CAPN8: variants seen among roughly 807,000 people sequenced by gnomAD.
CAPN8 encodes calpain 8.
A neutral mutation model predicts 80.9 loss-of-function variants in CAPN8; 87 were observed. The observed-to-expected ratio is 1.07, with a 90% CI of 0.90 to 1.28. CAPN8 has a LOEUF of 1.28. CAPN8 is among the 50% of genes most tolerant of loss of function. The pLI is 0.00. For missense variants in CAPN8, 757 were observed against 702.0 expected (o/e 1.08, Z -0.89); for synonymous variants, 299 against 273.8 (o/e 1.09, Z -0.91).
intron 2 of CAPN8, among the ~76,000 whole-genome samples, chr1:223,651,024 ACACAGACATGACC>A (rs1375865447): frequency 6.6e-6 from 1 of 152,298 alleles, no homozygotes; most frequent in Non-Finnish European, 1.5e-5. Context: ...GAAAAAGCAC[ACACAGACATGACC>A]CACAGGGGAC....
At chr1:223,655,453 T>C (rs1658461838) in intron 1 of CAPN8, among the ~76,000 whole-genome samples, 1 of 152,224 alleles carries the variant, frequency 6.6e-6, no homozygotes, top group Admixed American at 6.5e-5. Flanking sequence ...GTGCCCGTTC[T>C]GTATCCAGTA....
At chr1:223,628,270 A>T (rs1333533909) in intron 3 of CAPN8, 128 bp from the exon 4 acceptor site, 2 of 1,093,876 alleles carry the variant, frequency 1.8e-6, no homozygotes, top group Non-Finnish European at 2.5e-6. Flanking sequence ...GGAGCAGGAC[A>T]TGTGTCTGCC....
chr1:223,617,330 T>TTTTG (rs78857788), intron 9 of CAPN8: 93,669 of 146,728 alleles, frequency 0.64, 30,300 homozygotes, highest in African/African-American at 0.69. Flanking sequence ...TGTTGCTGTG[T>TTTTG]TTTGTTTGTT....
intron 7 of CAPN8, among the ~76,000 whole-genome samples, chr1:223,621,849 G>A (rs1657402844): frequency 6.6e-6 from 1 of 152,072 alleles, no homozygotes. Context: ...CTTTGTCCAT[G>A]AGACTGGCTA....
chr1:223,552,594 C>T (rs1479591781), intron 14 of CAPN8, among the ~76,000 whole-genome samples: 2 of 151,168 alleles, frequency 1.3e-5, no homozygotes, highest in Non-Finnish European at 2.9e-5. Context: ...CTTGAGGCCC[C>T]TTTAAAAAGC....
At chr1:223,549,013 G>A (rs1656709421) in intron 16 of CAPN8, among the ~76,000 whole-genome samples, 1 of 152,010 alleles carries the variant, frequency 6.6e-6, no homozygotes, top group Admixed American at 6.6e-5. Flanking sequence ...GGAGGGAGCA[G>A]GTGCGCAAAT....
At chr1:223,543,981 T>C (rs1656543715) in intron 19 of CAPN8, 86 bp downstream of exon 19, 1 of 674,858 alleles carries the variant, frequency 1.5e-6, no homozygotes, top group Non-Finnish European at 2.7e-6. Context: ...CTAAAGGCAA[T>C]GTCTGGTTCT....
intron 18 of CAPN8, 32 bp from the exon 19 acceptor site, chr1:223,544,215 G>A (rs1234375247): frequency 1.4e-6 from 1 of 716,048 alleles, no homozygotes; most frequent in South Asian, 1.5e-5. Flanking sequence ...GTCACAGGTA[G>A]AGTGGAGGAC....
chr1:223,612,664 A>G (rs1173307751), intron 10 of CAPN8, among the ~76,000 whole-genome samples: 1 of 152,108 alleles, frequency 6.6e-6, no homozygotes, highest in Non-Finnish European at 1.5e-5. Flanking sequence ...CCTGAGCCAT[A>G]GTTTATTCTG....
At chr1:223,632,025 T>C (rs1285048168) in intron 2 of CAPN8, among the ~76,000 whole-genome samples, 1 of 150,072 alleles carries the variant, frequency 6.7e-6, no homozygotes, top group Non-Finnish European at 1.5e-5. Context: ...GGCAACAAAA[T>C]GTCCCTCCGT....
intron 2 of CAPN8, among the ~76,000 whole-genome samples, chr1:223,631,948 G>A (rs1294564011): frequency 6.6e-6 from 1 of 152,132 alleles, no homozygotes. Flanking sequence ...GAAGGTTCTG[G>A]CTCCCGGTCT....
intron 2 of CAPN8, among the ~76,000 whole-genome samples, chr1:223,646,737 C>G (rs1048991448): frequency 9.8e-5 from 15 of 152,326 alleles, no homozygotes; most frequent in Middle Eastern, 3.4e-3. Context: ...CACAGCCAGT[C>G]TGTGATAGAG....
At chr1:223,627,655 G>A (rs555635816) in intron 4 of CAPN8, among the ~76,000 whole-genome samples, 117 of 152,310 alleles carry the variant, frequency 7.7e-4, no homozygotes, top group African/African-American at 2.8e-3. Flanking sequence ...TGTTGAGTTT[G>A]GTATCTAGTA....
chr1:223,555,037 A>G (rs1434796494), intron 13 of CAPN8, among the ~76,000 whole-genome samples: 3 of 152,256 alleles, frequency 2.0e-5, no homozygotes, highest in Admixed American at 2.0e-4. Context: ...TAAGATGAGT[A>G]CAAAAGGCCC....
At chr1:223,546,161 C>T (rs1446694712) in intron 16 of CAPN8, among the ~76,000 whole-genome samples, 2 of 151,962 alleles carry the variant, frequency 1.3e-5, no homozygotes, top group African/African-American at 2.4e-5. Context: ...TGCACTTATG[C>T]TCCTAAAGTT....
chr1:223,610,871 C>T (rs1490404192), intron 11 of CAPN8, among the ~76,000 whole-genome samples: 2 of 152,104 alleles, frequency 1.3e-5, no homozygotes, highest in South Asian at 2.1e-4. Flanking sequence ...CAGGAGCACC[C>T]CAGGGTAACT....
chr1:223,612,172 T>G, intron 11 of CAPN8, 74 bp downstream of exon 11: 1 of 1,190,026 alleles, frequency 8.4e-7, no homozygotes, highest in Non-Finnish European at 1.1e-6. Context: ...AAACAGACGC[T>G]GCTGGCTGCC....
At chr1:223,648,269 G>T (rs534297262) in intron 2 of CAPN8, among the ~76,000 whole-genome samples, 1 of 152,314 alleles carries the variant, frequency 6.6e-6, no homozygotes, top group Admixed American at 6.5e-5. Flanking sequence ...AACTTCCCCC[G>T]AATCACGGTT....
intron 17 of CAPN8, 42 bp from the exon 18 acceptor site, chr1:223,544,892 C>T (rs551984801): frequency 5.1e-5 from 79 of 1,550,818 alleles, no homozygotes; most frequent in Admixed American, 2.5e-4. Context: ...CAACCATTCA[C>T]GGCCCCTGCC....
Sources: allele counts gnomAD v4.1 joint callset (sites outside exome capture counted in the v4.1 genomes callset), GRCh38; gene constraint gnomAD v4.1.1; transcripts MANE v1.5; gene names NCBI Gene and HGNC (gene_info 2026-07-23, HGNC 2026-07-21).